Variants in TEX2 observed in about 807,000 individuals in gnomAD.
TEX2 encodes the protein testis-expressed protein 2.
TEX2 carries 53 observed loss-of-function variants against 106.9 expected under a neutral mutation model. The ratio of observed to expected loss-of-function variants is 0.50; its 90% CI spans 0.40 to 0.62. The LOEUF is 0.62. TEX2 is among the 20% of genes least tolerant of loss of function. The pLI, the probability that TEX2 is intolerant of heterozygous loss-of-function variation, is 0.00. For missense variants in TEX2, 1,207 were observed against 1,379.0 expected (o/e 0.88, Z 1.98); for synonymous variants, 523 against 534.8 (o/e 0.98, Z 0.30).
chr17:64,160,111 A>G (rs2030815662), intron 8 of TEX2, among the ~76,000 whole-genome samples: 1 of 152,232 alleles, frequency 6.6e-6, no homozygotes, highest in Non-Finnish European at 1.5e-5. Flanking sequence ...AAAAACAATA[A>G]TATAATTTAA....
In TEX2 at chr17:64,229,066, C is replaced by T. The variant is rs782006017; in HGVS notation, c.-25-14824G>A. Among the ~76,000 whole-genome samples, 8 of 151,582 alleles carry T rather than the reference C, an allele frequency of 5.3e-5. No homozygotes were observed. In the East Asian group the frequency reaches 5.8e-4, roughly 11 times the overall value. On this transcript the variant is annotated intron_variant, in intron 1 of 11. Coordinates refer to ENST00000584379, the MANE Select transcript of TEX2 (RefSeq NM_001288732.2). ...TTCCTGTTTTCACCATTAGAAACAA[C>T]GCTGCCTTTAAAAGCTGTGTTTCCA... is the stretch of plus-strand genomic sequence containing the variant.
rs186378531 is a variant in TEX2 at position 64,185,354 on chromosome 17, T to A, written c.2424+2814A>T. ...GGGCACACAGAACCAGCAGCCTCCC[T>A]GGACTCACACCCCTGAGCAAATCTG... On this transcript the variant is annotated intron_variant, in intron 5 of 11. Coordinates refer to ENST00000584379, the MANE Select transcript of TEX2 (RefSeq NM_001288732.2). This position sits in a 1 kb window ranked among gnomAD's most constrained non-coding sequence, Gnocchi z 4.0. Among the ~76,000 whole-genome samples, 1 of 152,320 alleles carries A rather than the reference T, an allele frequency of 6.6e-6. No homozygotes were observed. The highest frequency in any genetic ancestry group is 1.9e-4 in the East Asian group (1 of 5,188).
intron 9 of TEX2, 28 bp downstream of exon 9, chr17:64,154,814 A>T (rs762398714): frequency 7.1e-6 from 11 of 1,546,160 alleles, no homozygotes; most frequent in South Asian, 2.4e-5. Flanking sequence ...CTGGAGACTC[A>T]GAGGCACAGA....
At chr17:64,221,617 G>A (rs118065974) in intron 1 of TEX2, among the ~76,000 whole-genome samples, 2,053 of 152,310 alleles carry the variant, frequency 0.013, 18 homozygotes, top group Admixed American at 0.025. Flanking sequence ...GGCGCAACTG[G>A]TATGGAAGTT....
Position 64,153,276 on chromosome 17 carries a change from T to C in TEX2, c.2931-122A>G. 1 of 712,856 alleles carries C rather than the reference T, an allele frequency of 1.4e-6. No homozygotes were observed. The highest frequency in any genetic ancestry group is 1.8e-5 in the South Asian group (1 of 54,522). 44.2% of individuals were successfully genotyped at this position (712,856 alleles called of 1,614,324 possible). A position where few individuals can be genotyped will look rare whatever the true frequency, so the allele number is the denominator to read the frequency against. On this transcript the variant is annotated intron_variant, in intron 9 of 11. Coordinates refer to ENST00000584379, the MANE Select transcript of TEX2 (RefSeq NM_001288732.2). The surrounding 1 kb of genome is among the most constrained non-coding windows in gnomAD (Gnocchi z 4.1). ...CTCGATGTTTTGGATGTGGTGATTC[T>C]GTGTTGGGGCGGGGGGCATCCTGTG...
intron 6 of TEX2, among the ~76,000 whole-genome samples, chr17:64,175,922 T>C (rs1342885410): frequency 6.6e-6 from 1 of 152,194 alleles, no homozygotes; most frequent in East Asian, 1.9e-4. Context: ...GCCCTACCCA[T>C]ATGCCTTGAC....
chr17:64,200,540 G>A (rs782039904), intron 2 of TEX2, among the ~76,000 whole-genome samples: 6 of 152,198 alleles, frequency 3.9e-5, no homozygotes, highest in Non-Finnish European at 8.8e-5. Flanking sequence ...GTTCTGAGAT[G>A]AGTATGCAAT....
At chr17:64,219,503 C>T (rs1400690831) in intron 1 of TEX2, among the ~76,000 whole-genome samples, 1 of 125,724 alleles carries the variant, frequency 8.0e-6, no homozygotes, top group Non-Finnish European at 1.6e-5. Context: ...GAGACTCCAT[C>T]TCATCAAATA....
At chr17:64,180,473 A>G (rs1034764641) in intron 5 of TEX2, among the ~76,000 whole-genome samples, 7 of 152,244 alleles carry the variant, frequency 4.6e-5, no homozygotes, top group Admixed American at 2.0e-4. Flanking sequence ...GGGAACAAAG[A>G]AAAATTCCAG....
intron 1 of TEX2, among the ~76,000 whole-genome samples, chr17:64,242,783 A>G (rs928970565): frequency 1.3e-5 from 2 of 152,140 alleles, no homozygotes; most frequent in Non-Finnish European, 2.9e-5. Context: ...CCTCCTTCAT[A>G]ACTAATGTAA....
chr17:64,203,823 C>T (rs1032966495), intron 2 of TEX2, among the ~76,000 whole-genome samples: 1 of 152,218 alleles, frequency 6.6e-6, no homozygotes, highest in African/African-American at 2.4e-5. Flanking sequence ...CTGCCTGCTT[C>T]AAGGTCACCT....
At chr17:64,252,695 C>G (rs1325649807) in intron 1 of TEX2, among the ~76,000 whole-genome samples, 1 of 152,160 alleles carries the variant, frequency 6.6e-6, no homozygotes, top group African/African-American at 2.4e-5. Flanking sequence ...TTCATTCATT[C>G]ACCCCGAGAA....
At chr17:64,192,525 C>T (rs1247644158) in intron 4 of TEX2, among the ~76,000 whole-genome samples, 2 of 152,200 alleles carry the variant, frequency 1.3e-5, no homozygotes, top group East Asian at 3.9e-4. Flanking sequence ...TTCCAGCCTC[C>T]AGTACTGTGA....
intron 2 of TEX2, among the ~76,000 whole-genome samples, chr17:64,203,246 C>A (rs752389290): frequency 2.0e-5 from 3 of 152,150 alleles, no homozygotes; most frequent in Non-Finnish European, 2.9e-5. Context: ...ACAGCAGTAA[C>A]AATGCAGCAT....
intron 1 of TEX2, among the ~76,000 whole-genome samples, chr17:64,222,156 C>T (rs1205794944): frequency 2.6e-5 from 4 of 152,106 alleles, no homozygotes; most frequent in Non-Finnish European, 5.9e-5. Context: ...TAAAATTTTG[C>T]TATACGTATT....
chr17:64,187,188 T>G (rs537641027), intron 5 of TEX2, among the ~76,000 whole-genome samples: 1 of 152,230 alleles, frequency 6.6e-6, no homozygotes, highest in East Asian at 1.9e-4. Flanking sequence ...AGTTATCTTA[T>G]CAGAGATGAT....
rs143638344 is a variant in TEX2 at position 64,188,270 on chromosome 17, G to C, written c.2322C>G (p.Leu774=). 1.4e-5 allele frequency: 23 copies of C among 1,614,002 alleles called. No homozygotes were observed. The highest frequency in any genetic ancestry group is 1.9e-5 in the Non-Finnish European group (22 of 1,180,026). The part of the protein sequence containing the change: ...LAGSVRQKML[L]DYSVYMGRCV... ...ACCTGCCCATGTACACGCTGTAGTC[G>C]AGAAGCATCTTCTGCCGCACGCTGC... Residue 774 remains leucine (L), a synonymous_variant, in exon 5 of 12, where the codon CTC becomes CTG. Transcript: ENST00000584379.
intron 1 of TEX2, among the ~76,000 whole-genome samples, chr17:64,253,479 T>C (rs2034131128): frequency 6.6e-6 from 1 of 151,958 alleles, no homozygotes; most frequent in Non-Finnish European, 1.5e-5. Context: ...TAGGAATTTT[T>C]TAAAGACCAC....
chr17:64,221,847 T>A (rs1334943739), intron 1 of TEX2, among the ~76,000 whole-genome samples: 3 of 152,140 alleles, frequency 2.0e-5, no homozygotes, highest in African/African-American at 7.2e-5. Flanking sequence ...AGGAAGGAAA[T>A]CCTGTCACAT....
Sources: gnomAD v4.1 joint callset for allele counts (sites outside exome capture counted in the v4.1 genomes callset) on GRCh38, gnomAD v4.1.1 for gene constraint, Gnocchi (gnomAD v3.1) non-coding constraint, MANE v1.5 for transcripts, NCBI Gene and HGNC (gene_info 2026-07-23, HGNC 2026-07-21) for gene names.